Variants in SERINC5 observed in about 807,000 individuals in gnomAD.
SERINC5 encodes the protein serine incorporator 5.
Under a neutral mutation model 63.1 loss-of-function variants are expected in SERINC5, and 41 were observed. The ratio of observed to expected loss-of-function variants is 0.65; its 90% confidence interval spans 0.51 to 0.84. SERINC5 has a LOEUF of 0.84. SERINC5 is among the 40% of genes least tolerant of loss of function. The pLI is 0.00. For missense variants in SERINC5, 523 were observed against 573.0 expected (o/e 0.91, Z 0.89); for synonymous variants, 222 against 215.2 (o/e 1.03, Z -0.28).
chr5:80,161,295 T>G (rs1341040908), intron 7 of SERINC5, among the ~76,000 whole-genome samples: 1 of 152,184 alleles, frequency 6.6e-6, no homozygotes, highest in Non-Finnish European at 1.5e-5. Context: ...ATAGAAGCTA[T>G]GCTAATTTAC....
At chr5:80,188,882 C>G (rs1395527365) in intron 2 of SERINC5, among the ~76,000 whole-genome samples, 2 of 152,026 alleles carry the variant, frequency 1.3e-5, no homozygotes, top group Non-Finnish European at 2.9e-5. Flanking sequence ...GAGCCATGAT[C>G]GCGCCACTGC....
intron 1 of SERINC5, among the ~76,000 whole-genome samples, chr5:80,226,286 G>A (rs1036081601): frequency 3.9e-5 from 6 of 152,190 alleles, no homozygotes; most frequent in East Asian, 3.9e-4. Context: ...CACTGCATCC[G>A]GCCAAAAATA....
At chr5:80,195,581 A>C (rs944179595) in intron 2 of SERINC5, among the ~76,000 whole-genome samples, 1 of 152,176 alleles carries the variant, frequency 6.6e-6, no homozygotes, top group African/African-American at 2.4e-5. Context: ...GAACCAGTAC[A>C]AGAAGGGCTT....
intron 1 of SERINC5, among the ~76,000 whole-genome samples, chr5:80,237,106 C>T (rs748010906): frequency 6.6e-6 from 1 of 152,014 alleles, no homozygotes; most frequent in Non-Finnish European, 1.5e-5. Context: ...GGATTACAGG[C>T]ATGAGCCACT....
intron 1 of SERINC5, among the ~76,000 whole-genome samples, chr5:80,229,175 C>T (rs577998206): frequency 2.8e-4 from 43 of 151,600 alleles, no homozygotes; most frequent in African/African-American, 8.7e-4. Flanking sequence ...AGGCGCATGC[C>T]ACCACGCCCG....
intron 1 of SERINC5, among the ~76,000 whole-genome samples, chr5:80,216,243 T>G (rs1279624629): frequency 1.3e-5 from 2 of 152,136 alleles, no homozygotes; most frequent in African/African-American, 4.8e-5. Flanking sequence ...GATGCTGATG[T>G]TCAGCAGCGC....
intron 7 of SERINC5, among the ~76,000 whole-genome samples, chr5:80,161,015 CGT>C (rs1491528697): frequency 7.1e-6 from 1 of 141,188 alleles, no homozygotes; most frequent in Middle Eastern, 3.8e-3. Flanking sequence ...TGTATATATA[CGT>C]GTATATATAT....
intron 1 of SERINC5, among the ~76,000 whole-genome samples, chr5:80,205,818 A>T (rs1750125086): frequency 1.3e-5 from 2 of 152,124 alleles, no homozygotes; most frequent in South Asian, 4.2e-4. Context: ...CTGTAATCCC[A>T]GCACTTTAGG....
intron 11 of SERINC5, among the ~76,000 whole-genome samples, chr5:80,123,025 TTA>T (rs1208356754): frequency 1.3e-5 from 2 of 152,310 alleles, no homozygotes; most frequent in African/African-American, 4.8e-5. Flanking sequence ...ACTAATAAAT[TTA>T]TGTTGTTAAA....
rs528636218 is a variant in SERINC5, at chr5:80,221,653, A to T, written c.28-18600T>A. 2.0e-4 allele frequency among the ~76,000 whole-genome samples: 30 copies of T among 152,288 alleles called. 1 individual carries two copies. The highest frequency in any genetic ancestry group is 6.7e-4 in the African/African-American group (28 of 41,566). The stretch of plus-strand genomic sequence containing the variant: ...GTTTTTTAAATGAAGAGAAAACTGC[A>T]ATATTTTAATAGGTAAAGAATCAAA... On this transcript the variant is annotated intron_variant, in intron 1 of 11. Coordinates refer to ENST00000507668, the MANE Select transcript of SERINC5 (RefSeq NM_001174072.3).
chr5:80,173,128 G>A (rs554903806), intron 5 of SERINC5, among the ~76,000 whole-genome samples: 6 of 151,658 alleles, frequency 4.0e-5, no homozygotes, highest in Middle Eastern at 3.4e-3. Flanking sequence ...CATTGTTAGG[G>A]GAAGAGGGAA....
Position 80,139,594 on chromosome 5 carries a change from A to AGAGAGAGAGAGAGAGAGAGAGAGAGAGAG in SERINC5, c.*4068_*4069insCTCTCTCTCTCTCTCTCTCTCTCTCTCTC, listed in dbSNP as rs1409203143. 2.7e-5 allele frequency: 14 copies of AGAGAGAGAGAGAGAGAGAGAGAGAGAGAG among 514,742 alleles called. No homozygotes were observed. In the African/African-American group the frequency reaches 7.6e-4, roughly 28 times the overall value. The allele number at this position is 514,742 out of a possible 1,614,324, so 31.9% of individuals were successfully genotyped here. ...TGTGAAAGAGTTGTTGAGAAAGAAG[A>AGAGAGAGAGAGAGAGAGAGAGAGAGAGAG]AAAGAGAGAGAGAGAGAAAGGTCTA... On this transcript the variant is annotated 3_prime_UTR_variant, in exon 12 of 12. Transcript: ENST00000507668.
At position 80,158,542 on chromosome 5, in the gene SERINC5, G is replaced by A. The variant is rs916708018; in HGVS notation, c.986+294C>T. On this transcript the variant is annotated intron_variant, in intron 8 of 11. Transcript: ENST00000507668. ...TTCGACCATCTTTTAAAGGGGGTTAGGCAACGGTGCTGCAACATGCCATAT... is the reference window on the plus strand; with the variant it reads ...TTCGACCATCTTTTAAAGGGGGTTAAGCAACGGTGCTGCAACATGCCATAT... 1.2e-4 allele frequency: 36 copies of A among 292,490 alleles called. No individual in the cohort carries two copies. In the East Asian group the frequency reaches 2.5e-3, roughly 20 times the overall value. The allele number at this position is 292,490 out of a possible 1,614,324, so 18.1% of individuals were successfully genotyped here. A position where few individuals can be genotyped will look rare whatever the true frequency, so the allele number is the denominator to read the frequency against.
At chr5:80,147,119 C>T in intron 10 of SERINC5, 126 bp downstream of exon 10, 2 of 841,760 alleles carry the variant, frequency 2.4e-6, no homozygotes, top group Non-Finnish European at 3.8e-6. Flanking sequence ...AGTAGTAAGT[C>T]AGCTTTAGAA....
rs774235772 is a variant in SERINC5, at chr5:80,158,809, T to C, written c.986+27A>G. 4 of 1,603,518 alleles carry C rather than the reference T, an allele frequency of 2.5e-6. No individual in the cohort carries two copies. The South Asian group carries it at 3.3e-5, about 13-fold the overall frequency. ...CCTGTAATTTTAAAGTCTGCAAAAG[T>C]GACCTTGAGTAACTCCCAAGACTTA... is the stretch of plus-strand genomic sequence containing the variant. On this transcript the variant is annotated intron_variant, in intron 8 of 11. Transcript: ENST00000507668.
At chr5:80,155,395 T>A (rs1746453320) in intron 8 of SERINC5, among the ~76,000 whole-genome samples, 1 of 152,078 alleles carries the variant, frequency 6.6e-6, no homozygotes, top group Middle Eastern at 3.4e-3. Flanking sequence ...TGAAACCCCG[T>A]CTCTACTAAA....
chr5:80,215,480 A>C (rs1750621183), intron 1 of SERINC5, among the ~76,000 whole-genome samples: 1 of 152,218 alleles, frequency 6.6e-6, no homozygotes, highest in African/African-American at 2.4e-5. Flanking sequence ...AGAACAGATT[A>C]ATACGGCTAC....
rs368711164 is a variant in SERINC5, at chr5:80,146,610, G to A, written c.1094-376C>T. Among the ~76,000 whole-genome samples, 17 of 152,138 alleles carry A rather than the reference G, an allele frequency of 1.1e-4. No individual in the cohort carries two copies. The East Asian group carries it at 2.7e-3, about 24-fold the overall frequency. On this transcript the variant is annotated intron_variant, in intron 10 of 11. Coordinates refer to ENST00000507668, the MANE Select transcript of SERINC5 (RefSeq NM_001174072.3). ...TGGGATTACAGGCACACGCCACCACGCCCGGCTAATTTTGTATTGTTTTTT... is the reference window on the plus strand; with the variant it reads ...TGGGATTACAGGCACACGCCACCACACCCGGCTAATTTTGTATTGTTTTTT...
In SERINC5 at chr5:80,203,071, G is replaced by A. The variant is rs773552504; in HGVS notation, c.28-18C>T. 1 of 1,588,708 alleles carries A rather than the reference G, an allele frequency of 6.3e-7. No individual in the cohort carries two copies. The highest frequency in any genetic ancestry group is 1.1e-5 in the South Asian group (1 of 87,922). Reference sequence around the variant, plus strand: ...CAGGCCAGCTAGAAAAGGAACAGAAGGCATCTGCTTAGAGCATGATACTGT... The same window carrying A: ...CAGGCCAGCTAGAAAAGGAACAGAAAGCATCTGCTTAGAGCATGATACTGT... On this transcript the variant is annotated intron_variant, in intron 1 of 11. Transcript: ENST00000507668.
Sources: gnomAD v4.1 joint callset for allele counts (sites outside exome capture counted in the v4.1 genomes callset) on GRCh38, gnomAD v4.1.1 for gene constraint, MANE v1.5 for transcripts, NCBI Gene and HGNC (gene_info 2026-07-23, HGNC 2026-07-21) for gene names.